The following ARHGAP15 variants were observed in gnomAD, a reference collection of about 807,000 sequenced individuals.
ARHGAP15 encodes Rho GTPase activating protein 15.
ARHGAP15 carries 51 observed loss-of-function variants against 63.7 expected under a neutral mutation model. That is an observed-to-expected ratio of 0.80 (90% CI 0.64 to 1.01). ARHGAP15 has a LOEUF of 1.01. Ranked by LOEUF, ARHGAP15 falls within the 50% of genes least tolerant of loss-of-function variation. The pLI is 0.00. For synonymous variants in ARHGAP15, 191 were observed against 193.8 expected (o/e 0.99, Z 0.12); for missense variants, 560 against 564.6 (o/e 0.99, Z 0.08).
intron 8 of ARHGAP15, among the ~76,000 whole-genome samples, chr2:143,462,349 C>G (rs762118049): frequency 1.3e-5 from 2 of 151,894 alleles, no homozygotes; most frequent in Non-Finnish European, 2.9e-5. Context: ...CAGTTTTAAA[C>G]TATTGGGGAA....
intron 2 of ARHGAP15, among the ~76,000 whole-genome samples, chr2:143,159,727 T>C (rs1690217996): frequency 6.6e-6 from 1 of 151,952 alleles, no homozygotes; most frequent in Admixed American, 6.6e-5. Context: ...CATTAAGGCT[T>C]ACAGGATTAT....
chr2:143,474,991 G>A (rs141739004), intron 8 of ARHGAP15, among the ~76,000 whole-genome samples: 24 of 152,286 alleles, frequency 1.6e-4, no homozygotes, highest in Non-Finnish European at 1.5e-4. Flanking sequence ...GCAGAAAGTA[G>A]TTCCATTTGT....
chr2:143,189,359 C>T (rs1691585955), intron 2 of ARHGAP15, among the ~76,000 whole-genome samples: 1 of 152,096 alleles, frequency 6.6e-6, no homozygotes, highest in Non-Finnish European at 1.5e-5. Flanking sequence ...CAGTCAGAGG[C>T]TCATATCGTA....
chr2:143,590,166 G>GA (rs1347669773), intron 11 of ARHGAP15, among the ~76,000 whole-genome samples: 2 of 152,156 alleles, frequency 1.3e-5, no homozygotes, highest in African/African-American at 4.8e-5. Context: ...CTTCTTGAGA[G>GA]AAAACACCAT....
rs1558971300 is a variant in ARHGAP15, at chr2:143,437,929, C to T, written c.703+887C>T. On this transcript the variant is annotated intron_variant, in intron 8 of 13. Transcript: ENST00000295095. ...ATCCCAGCTACTCAGGAGGTTGAGG[C>T]AGGAGAATTGCTTGAACCAGAGAGT... is the stretch of plus-strand genomic sequence containing the variant. 2.6e-5 allele frequency among the ~76,000 whole-genome samples: 4 copies of T among 152,098 alleles called. 1 individual carries two copies. In the South Asian group the frequency reaches 8.3e-4, roughly 32 times the overall value.
chr2:143,303,832 A>G (rs1321661426), intron 6 of ARHGAP15, among the ~76,000 whole-genome samples: 3 of 152,222 alleles, frequency 2.0e-5, no homozygotes, highest in Non-Finnish European at 4.4e-5. Flanking sequence ...ACATTTATGC[A>G]GCCAACAGAC....
intron 6 of ARHGAP15, among the ~76,000 whole-genome samples, chr2:143,253,291 CAAACAAAAA>C (rs1294634747): frequency 7.5e-5 from 11 of 145,704 alleles, no homozygotes; most frequent in Non-Finnish European, 1.2e-4. Flanking sequence ...AATAGGAAAA[CAAACAAAAA>C]ATTGTATGTG....
chr2:143,460,067 A>T (rs1001683362), intron 8 of ARHGAP15, among the ~76,000 whole-genome samples: 3 of 152,148 alleles, frequency 2.0e-5, no homozygotes, highest in Non-Finnish European at 4.4e-5. Context: ...TAGCAACAGC[A>T]ACTCTAAGTA....
intron 6 of ARHGAP15, among the ~76,000 whole-genome samples, chr2:143,429,917 C>T (rs1267094245): frequency 2.0e-5 from 3 of 152,132 alleles, no homozygotes; most frequent in Admixed American, 1.3e-4. Context: ...AGCTTTACTG[C>T]TCCCCAAAGC....
intron 5 of ARHGAP15, among the ~76,000 whole-genome samples, chr2:143,244,695 A>G (rs1445195445): frequency 6.6e-6 from 1 of 152,220 alleles, no homozygotes; most frequent in African/African-American, 2.4e-5. Flanking sequence ...ACTATCCCGT[A>G]GATAAATTTT....
chr2:143,363,603 G>A (rs995737246), intron 6 of ARHGAP15, among the ~76,000 whole-genome samples: 1 of 152,058 alleles, frequency 6.6e-6, no homozygotes, highest in Non-Finnish European at 1.5e-5. Context: ...CTTTCCTTAA[G>A]GGCTATTTCA....
At chr2:143,390,731 GCACACACACACACACACACA>G (rs3071055) in intron 6 of ARHGAP15, among the ~76,000 whole-genome samples, 1 of 147,474 alleles carries the variant, frequency 6.8e-6, no homozygotes, top group Admixed American at 6.8e-5. Context: ...GAAAACACAT[GCACACACACACACACACACA>G]CACACACACA....
At chr2:143,624,852 T>C (rs1698775799) in intron 12 of ARHGAP15, among the ~76,000 whole-genome samples, 1 of 152,128 alleles carries the variant, frequency 6.6e-6, no homozygotes, top group African/African-American at 2.4e-5. Context: ...GTGAGTTATA[T>C]CTACTACTAA....
intron 12 of ARHGAP15, among the ~76,000 whole-genome samples, chr2:143,642,024 T>C (rs1412462124): frequency 1.3e-5 from 2 of 152,120 alleles, no homozygotes; most frequent in Non-Finnish European, 2.9e-5. Flanking sequence ...TAAATTGTGA[T>C]ATAGAAAGCA....
At position 143,716,545 on chromosome 2, in the gene ARHGAP15, G is replaced by A. The variant is rs2105452515; in HGVS notation, c.1244+13021G>A. Among the ~76,000 whole-genome samples the A allele has an allele frequency of 1.3e-5, 2 of 152,036 alleles. 1 individual carries two copies. The highest frequency in any genetic ancestry group is 2.9e-5 in the Non-Finnish European group (2 of 67,986). On this transcript the variant is annotated intron_variant, in intron 13 of 13. Coordinates refer to ENST00000295095, the MANE Select transcript of ARHGAP15 (RefSeq NM_018460.4). ...TTGCCATACTACCTTGAATTATTTA[G>A]CATCAGCTGAAGAAAAAAAAAATCA...
At chr2:143,362,783 C>T (rs568807807) in intron 6 of ARHGAP15, among the ~76,000 whole-genome samples, 31 of 152,268 alleles carry the variant, frequency 2.0e-4, no homozygotes, top group Admixed American at 3.9e-4. Flanking sequence ...TATCTGAACA[C>T]ACCCCAGTCT....
At chr2:143,313,178 T>C (rs886653658) in intron 6 of ARHGAP15, among the ~76,000 whole-genome samples, 1 of 151,964 alleles carries the variant, frequency 6.6e-6, no homozygotes, top group Non-Finnish European at 1.5e-5. Flanking sequence ...AAAACTTAGC[T>C]TGGGTAGCAT....
At chr2:143,740,413 T>C (rs1051037941) in intron 13 of ARHGAP15, among the ~76,000 whole-genome samples, 7 of 152,192 alleles carry the variant, frequency 4.6e-5, no homozygotes, top group African/African-American at 1.7e-4. Flanking sequence ...GCAAGGCAAT[T>C]CCCTTGAGCC....
intron 12 of ARHGAP15, among the ~76,000 whole-genome samples, chr2:143,680,941 A>G (rs1424617543): frequency 6.6e-6 from 1 of 152,242 alleles, no homozygotes; most frequent in African/African-American, 2.4e-5. Context: ...CTGAAATCTT[A>G]GTGAAAGTCA....
Sources: allele counts gnomAD v4.1 joint callset (sites outside exome capture counted in the v4.1 genomes callset), GRCh38; gene constraint gnomAD v4.1.1; transcripts MANE v1.5; gene names NCBI Gene and HGNC (gene_info 2026-07-23, HGNC 2026-07-21).